Variants in ZMAT4 observed in about 807,000 individuals in gnomAD.
ZMAT4 encodes the protein zinc finger matrin-type protein 4.
A neutral mutation model predicts 28.7 loss-of-function variants in ZMAT4; 17 were observed. The observed-to-expected ratio is 0.59, with a 90% CI of 0.41 to 0.89. ZMAT4 has a LOEUF of 0.89. Among genes scored for constraint, ZMAT4 ranks in the 40% least tolerant of loss-of-function variants. The pLI, the probability that ZMAT4 is intolerant of heterozygous loss-of-function variation, is 0.00. For synonymous variants in ZMAT4, 117 were observed against 109.2 expected, an observed-to-expected ratio of 1.07 and a Z score of -0.44; for missense variants, 240 against 283.8, an observed-to-expected ratio of 0.85 and a Z score of 1.11.
At chr8:40,786,674 T>TAA in intron 2 of ZMAT4, 1 of 1,287,022 alleles carries the variant, frequency 7.8e-7, no homozygotes, top group Non-Finnish European at 1.0e-6. Context: ...TCAGTCCTTG[T>TAA]GCCTCCCAAC....
At chr8:40,716,022 G>A (rs758314311) in intron 3 of ZMAT4, among the ~76,000 whole-genome samples, 4 of 152,224 alleles carry the variant, frequency 2.6e-5, no homozygotes, top group Non-Finnish European at 5.9e-5. Context: ...GCCAATCAGA[G>A]ACAGACACTT....
At chr8:40,613,180 C>CTTTCTTTTTTTTTTT (rs71224837) in intron 5 of ZMAT4, among the ~76,000 whole-genome samples, 7 of 79,970 alleles carry the variant, frequency 8.8e-5, no homozygotes, top group Admixed American at 2.0e-4. Context: ...TACTTTCTTT[C>CTTTCTTTTTTTTTTT]TTTTTTTTTT....
intron 1 of ZMAT4, among the ~76,000 whole-genome samples, chr8:40,874,436 G>A (rs1817970030): frequency 6.6e-6 from 1 of 152,198 alleles, no homozygotes; most frequent in African/African-American, 2.4e-5. Context: ...AATGTATACT[G>A]GGAGTAAATG....
intron 5 of ZMAT4, among the ~76,000 whole-genome samples, chr8:40,630,882 T>C (rs193071404): frequency 6.6e-6 from 1 of 152,254 alleles, no homozygotes; most frequent in East Asian, 1.9e-4. Flanking sequence ...TAAAACAAAA[T>C]AAGTAAAATT....
intron 1 of ZMAT4, among the ~76,000 whole-genome samples, chr8:40,877,236 C>T (rs886901070): frequency 1.6e-4 from 25 of 152,190 alleles, no homozygotes; most frequent in African/African-American, 5.8e-4. Context: ...GAACCCAGCC[C>T]TGCAGGCACC....
At chr8:40,558,215 C>T (rs74394269) in intron 6 of ZMAT4, among the ~76,000 whole-genome samples, 5,516 of 152,196 alleles carry the variant, frequency 0.036, 187 homozygotes, top group East Asian at 0.13. Context: ...CTCTGGGAGC[C>T]AGCACGAAGA....
intron 4 of ZMAT4, among the ~76,000 whole-genome samples, chr8:40,676,734 T>C (rs1808925809): frequency 6.6e-6 from 1 of 152,174 alleles, no homozygotes; most frequent in African/African-American, 2.4e-5. Flanking sequence ...CTAGTTTAGA[T>C]TAAACTTAAT....
At chr8:40,788,329 A>T (rs1814170163) in intron 2 of ZMAT4, among the ~76,000 whole-genome samples, 1 of 152,236 alleles carries the variant, frequency 6.6e-6, no homozygotes, top group Non-Finnish European at 1.5e-5. Flanking sequence ...TCACGCCTGT[A>T]ATCCCAGCAT....
chr8:40,548,956 ATGTC>A (rs1309327194), intron 6 of ZMAT4, among the ~76,000 whole-genome samples: 1 of 152,130 alleles, frequency 6.6e-6, no homozygotes, highest in African/African-American at 2.4e-5. Flanking sequence ...TATGGTCTAA[ATGTC>A]TGTACTCCCA....
intron 5 of ZMAT4, among the ~76,000 whole-genome samples, chr8:40,645,928 C>T (rs1807288249): frequency 6.6e-6 from 1 of 151,928 alleles, no homozygotes; most frequent in African/African-American, 2.4e-5. Context: ...ACAGATAATA[C>T]ACTTATTTAC....
intron 4 of ZMAT4, among the ~76,000 whole-genome samples, chr8:40,675,574 C>G (rs1480883192): frequency 6.6e-6 from 1 of 152,040 alleles, no homozygotes; most frequent in Non-Finnish European, 1.5e-5. Context: ...ATCTATCAGT[C>G]AAAATAAAGC....
intron 5 of ZMAT4, among the ~76,000 whole-genome samples, chr8:40,630,444 C>A (rs1806533188): frequency 6.6e-6 from 1 of 152,126 alleles, no homozygotes; most frequent in Non-Finnish European, 1.5e-5. Context: ...AACTGAGGGT[C>A]AAAGAGGTCG....
chr8:40,637,397 A>G (rs1313580369), intron 5 of ZMAT4, among the ~76,000 whole-genome samples: 6 of 152,208 alleles, frequency 3.9e-5, no homozygotes, highest in Non-Finnish European at 5.9e-5. Flanking sequence ...CATCCCAGCA[A>G]ATGTGGGATT....
intron 6 of ZMAT4, among the ~76,000 whole-genome samples, chr8:40,557,872 C>T (rs1473643134): frequency 6.6e-6 from 1 of 152,018 alleles, no homozygotes; most frequent in Admixed American, 6.6e-5. Flanking sequence ...GATGGATAGA[C>T]TGATTGATTG....
intron 3 of ZMAT4, among the ~76,000 whole-genome samples, chr8:40,732,508 G>C (rs1371784020): frequency 6.6e-6 from 1 of 152,230 alleles, no homozygotes; most frequent in African/African-American, 2.4e-5. Context: ...CAAGCCATTG[G>C]GCTGGATTCA....
At chr8:40,589,577 C>T (rs188502583) in intron 5 of ZMAT4, among the ~76,000 whole-genome samples, 2 of 152,074 alleles carry the variant, frequency 1.3e-5, no homozygotes, top group African/African-American at 2.4e-5. Context: ...TTTGAAGAAA[C>T]CATTGGTCCC....
chr8:40,703,201 T>C (rs879890371), intron 3 of ZMAT4, among the ~76,000 whole-genome samples: 1 of 152,154 alleles, frequency 6.6e-6, no homozygotes, highest in Admixed American at 6.5e-5. Context: ...ACATAGCTAC[T>C]GTGGAAAATG....
intron 3 of ZMAT4, among the ~76,000 whole-genome samples, chr8:40,701,821 C>T (rs987049868): frequency 2.0e-5 from 3 of 152,078 alleles, no homozygotes; most frequent in African/African-American, 2.4e-5. Context: ...GCCCAGCCCA[C>T]TATGCAGAGT....
intron 1 of ZMAT4, among the ~76,000 whole-genome samples, chr8:40,840,903 T>C (rs1415352885): frequency 6.6e-6 from 1 of 152,148 alleles, no homozygotes; most frequent in African/African-American, 2.4e-5. Flanking sequence ...CAATAACACT[T>C]CCTACCCACT....
Sources: gnomAD v4.1 joint callset for allele counts (sites outside exome capture counted in the v4.1 genomes callset) on GRCh38, gnomAD v4.1.1 for gene constraint, MANE v1.5 for transcripts, NCBI Gene and HGNC (gene_info 2026-07-23, HGNC 2026-07-21) for gene names.